Variants in XPO1 observed in about 807,000 individuals in gnomAD.
XPO1 encodes the protein exportin 1.
In XPO1, 5 loss-of-function variants were observed where a neutral mutation model predicts 133.3. The observed-to-expected ratio is 0.04, with a 90% CI of 0.02 to 0.08. The LOEUF is 0.08. Ranked by LOEUF, XPO1 falls within the 10% of genes least tolerant of loss-of-function variation. XPO1 has a pLI of 1.00. For missense variants in XPO1, 506 were observed against 1,267.5 expected (o/e 0.40, Z 9.12); for synonymous variants, 419 against 408.2 (o/e 1.03, Z -0.32).
intron 21 of XPO1, chr2:61,483,681 C>T (rs921231042): frequency 2.4e-5 from 9 of 375,138 alleles, no homozygotes; most frequent in South Asian, 7.0e-5. Flanking sequence ...TCTACAACAT[C>T]ACTACCCAGT....
intron 3 of XPO1, among the ~76,000 whole-genome samples, chr2:61,524,605 C>CA (rs1406770678): frequency 6.6e-6 from 1 of 151,964 alleles, no homozygotes; most frequent in Non-Finnish European, 1.5e-5. Context: ...GAAACTAAAA[C>CA]AAAAAAAATT....
intron 20 of XPO1, 200 bp downstream of exon 20, chr2:61,485,568 T>C (rs1696652150): frequency 2.8e-6 from 1 of 354,840 alleles, no homozygotes; most frequent in African/African-American, 2.1e-5. Context: ...AGATGAAGTC[T>C]CACTATATTG....
intron 17 of XPO1, 42 bp from the exon 18 acceptor site, chr2:61,488,813 T>C: frequency 6.2e-7 from 1 of 1,600,224 alleles, no homozygotes; most frequent in East Asian, 2.2e-5. Flanking sequence ...ATATAAGAAT[T>C]ATCCACGGCT....
chr2:61,530,970 T>TAACC, intron 2 of XPO1, among the ~76,000 whole-genome samples: 1 of 152,156 alleles, frequency 6.6e-6, no homozygotes, highest in Admixed American at 6.5e-5. Context: ...ACCTCATAAC[T>TAACC]AACCCTCCAA....
In XPO1 at chr2:61,532,229, G is replaced by A. The variant is rs969755530; in HGVS notation, c.126+1543C>T. ...TGCAAGCTCCGCCTCCCGGGTTCAC[G>A]CCATTCTCCTGCCTCAGCCTCCCGA... On this transcript the variant is annotated intron_variant, in intron 2 of 24. Coordinates refer to ENST00000401558, the MANE Select transcript of XPO1 (RefSeq NM_003400.4). Among the ~76,000 whole-genome samples, 7 of 152,156 alleles carry A rather than the reference G, an allele frequency of 4.6e-5. No homozygotes were observed. In the East Asian group the frequency reaches 7.8e-4, roughly 17 times the overall value.
At chr2:61,522,932 A>T (rs1698760344) in intron 3 of XPO1, among the ~76,000 whole-genome samples, 1 of 152,184 alleles carries the variant, frequency 6.6e-6, no homozygotes, top group Non-Finnish European at 1.5e-5. Context: ...CACCAGGAGG[A>T]AGAACCAAAT....
In XPO1 at chr2:61,490,513, T is replaced by C. The variant is rs1306706008; in HGVS notation, c.2022+129A>G. On this transcript the variant is annotated intron_variant, in intron 17 of 24. Transcript: ENST00000401558. ...CACACCTCGCCCAGATAATAAATTA[T>C]AGAAAGACACACATAAAAGCACTTA... The C allele has an allele frequency of 1.2e-5, 16 of 1,316,028 alleles. No homozygotes were observed. In the Middle Eastern group the frequency reaches 1.3e-3, roughly 109 times the overall value. The allele number at this position is 1,316,028 out of a possible 1,614,324, so 81.5% of individuals were successfully genotyped here.
chr2:61,518,621 A>C (rs1698530432), intron 4 of XPO1, among the ~76,000 whole-genome samples: 2 of 152,106 alleles, frequency 1.3e-5, no homozygotes, highest in Non-Finnish European at 2.9e-5. Flanking sequence ...TGTCTTAAAC[A>C]AAAACAAACA....
At chr2:61,522,590 T>G (rs750359817) in intron 4 of XPO1, 21 bp downstream of exon 4, 1 of 1,604,642 alleles carries the variant, frequency 6.2e-7, no homozygotes, top group East Asian at 2.2e-5. Flanking sequence ...ACTCTGAATT[T>G]ATAATTCTTT....
rs1307666281 is a variant in XPO1 at position 61,477,915 on chromosome 2, TGA to T, written c.*903_*904del. On this transcript the variant is annotated 3_prime_UTR_variant, in exon 25 of 25. Coordinates refer to ENST00000401558, the MANE Select transcript of XPO1 (RefSeq NM_003400.4). ...CCACTATCATTAATATAGGAATAAA[TGA>T]GTCAATAAAGGAAAAATAAATGTAA... is the stretch of plus-strand genomic sequence containing the variant. 4.6e-6 allele frequency: 1 copy of T among 217,836 alleles called. No homozygotes were observed. The highest frequency in any genetic ancestry group is 6.8e-5 in the East Asian group (1 of 14,646). The allele number at this position is 217,836 out of a possible 1,614,324, so 13.5% of individuals were successfully genotyped here. A position where few individuals can be genotyped will look rare whatever the true frequency, so the allele number is the denominator to read the frequency against.
Position 61,490,627 on chromosome 2 carries a change from G to A in XPO1, c.2022+15C>T, listed in dbSNP as rs1223492634. On this transcript the variant is annotated intron_variant, in intron 17 of 24. Coordinates refer to ENST00000401558, the MANE Select transcript of XPO1 (RefSeq NM_003400.4). ...AATCCCATGAAAACTTTTAAGAAAA[G>A]GTAGAAATACTTACTTTGGTTGCCT... 3 of 1,613,566 alleles carry A rather than the reference G, an allele frequency of 1.9e-6. No individual in the cohort carries two copies. The highest frequency in any genetic ancestry group is 1.1e-5 in the South Asian group (1 of 90,986).
intron 4 of XPO1, among the ~76,000 whole-genome samples, chr2:61,522,153 T>G (rs1698726585): frequency 6.6e-6 from 1 of 152,056 alleles, no homozygotes; most frequent in South Asian, 2.1e-4. Flanking sequence ...CACTGCAGTC[T>G]CGACCTTTTG....
chr2:61,530,602 G>A (rs1340432896), intron 2 of XPO1, among the ~76,000 whole-genome samples: 2 of 151,934 alleles, frequency 1.3e-5, no homozygotes, highest in East Asian at 1.9e-4. Context: ...AGAGGGTAGA[G>A]GGTAGTCCTA....
At chr2:61,518,925 T>G (rs993195546) in intron 4 of XPO1, among the ~76,000 whole-genome samples, 8 of 152,212 alleles carry the variant, frequency 5.3e-5, no homozygotes, top group African/African-American at 1.7e-4. Context: ...AATTAAATGT[T>G]CTTTTAAACA....
intron 9 of XPO1, 37 bp from the exon 10 acceptor site, chr2:61,497,044 G>A: frequency 6.3e-7 from 1 of 1,582,698 alleles, no homozygotes; most frequent in African/African-American, 1.4e-5. Context: ...AAAATTAATT[G>A]GCCTGATACA....
chr2:61,482,266 A>G (rs914876492), intron 23 of XPO1, 114 bp downstream of exon 23: 12 of 929,450 alleles, frequency 1.3e-5, no homozygotes, highest in Admixed American at 3.4e-5. Flanking sequence ...TTGGTCTCCA[A>G]CTTTTGGGCC....
At position 61,538,131 on chromosome 2, in the gene XPO1, C is replaced by T; in HGVS notation, c.-576G>A. 4.9e-6 allele frequency: 1 copy of T among 205,586 alleles called. No homozygotes were observed. Among genetic ancestry groups the T allele is most frequent in the Non-Finnish European group, 9.8e-6 (1 of 102,482 alleles). 12.7% of individuals were successfully genotyped at this position (205,586 alleles called of 1,614,324 possible). A position where few individuals can be genotyped will look rare whatever the true frequency, so the allele number is the denominator to read the frequency against. ...TCCCCCCTCCCCCTCTGGGTGGTTG[C>T]ACGGACTGCAGCAGCAAAGACTGGA... On this transcript the variant is annotated 5_prime_UTR_variant, in exon 1 of 25. Transcript: ENST00000401558.
At chr2:61,486,691 T>C (rs928141581) in intron 19 of XPO1, among the ~76,000 whole-genome samples, 1 of 152,174 alleles carries the variant, frequency 6.6e-6, no homozygotes, top group African/African-American at 2.4e-5. Context: ...TTTCCTGACC[T>C]CGTGATCCAC....
In XPO1 at chr2:61,497,004, G is replaced by A; in HGVS notation, c.763C>T (p.Leu255=). Residue 255 remains leucine (L), a synonymous_variant, in exon 10 of 25, where the codon CTG becomes TTG. Transcript: ENST00000401558. The stretch of plus-strand genomic sequence containing the variant: ...ACATTTCGAAACATTGGAACATTCA[G>A]GAACTATTTAAAAGGGGGGAGGGAA... The part of the protein sequence containing the change: ...KLISTLIYKF[L]NVPMFRNVSL... 1.9e-6 allele frequency: 3 copies of A among 1,609,462 alleles called. No individual in the cohort carries two copies. Among genetic ancestry groups the A allele is most frequent in the South Asian group, 1.1e-5 (1 of 89,798 alleles).
Sources: gnomAD v4.1 joint callset for allele counts (sites outside exome capture counted in the v4.1 genomes callset) on GRCh38, gnomAD v4.1.1 for gene constraint, MANE v1.5 for transcripts, NCBI Gene and HGNC (gene_info 2026-07-23, HGNC 2026-07-21) for gene names.